ACOXL: variants seen among roughly 807,000 people sequenced by gnomAD.
ACOXL encodes acyl-coenzyme A oxidase-like protein.
Under a neutral mutation model 71.9 loss-of-function variants are expected in ACOXL, and 70 were observed. The observed-to-expected ratio is 0.97, with a 90% CI of 0.80 to 1.19. ACOXL has a LOEUF of 1.19. Ranked by LOEUF, ACOXL falls within the 50% of genes most tolerant of loss-of-function variation. The pLI is 0.00. For synonymous variants in ACOXL, 253 were observed against 281.6 expected (o/e 0.90, Z 1.02); for missense variants, 703 against 736.3 (o/e 0.95, Z 0.52).
chr2:111,003,515 C>T (rs774089407), intron 14 of ACOXL, among the ~76,000 whole-genome samples: 6 of 128,914 alleles, frequency 4.7e-5, no homozygotes, highest in South Asian at 2.8e-4. Context: ...TGCACCACTG[C>T]ACTCCAGCCT....
intron 14 of ACOXL, among the ~76,000 whole-genome samples, chr2:111,027,142 C>T (rs1366871578): frequency 2.6e-5 from 4 of 151,944 alleles, no homozygotes; most frequent in South Asian, 4.1e-4. Flanking sequence ...AGTGATCCAC[C>T]CACCTCAGCC....
At chr2:110,917,569 GAA>G (rs368992903) in intron 11 of ACOXL, among the ~76,000 whole-genome samples, 3 of 152,218 alleles carry the variant, frequency 2.0e-5, no homozygotes, top group African/African-American at 7.2e-5. Context: ...TCAGGCAAGA[GAA>G]AGAAATAAAG....
At chr2:111,073,536 A>G (rs993058619) in intron 16 of ACOXL, among the ~76,000 whole-genome samples, 9 of 152,096 alleles carry the variant, frequency 5.9e-5, no homozygotes, top group African/African-American at 2.2e-4. Flanking sequence ...TCTTCATTCA[A>G]TTCCTTTTGC....
At chr2:110,867,248 A>G (rs964340339) in intron 10 of ACOXL, among the ~76,000 whole-genome samples, 3 of 152,188 alleles carry the variant, frequency 2.0e-5, no homozygotes, top group Admixed American at 1.3e-4. Flanking sequence ...TTCTGTCTCT[A>G]GCAGATGTCA....
In ACOXL at chr2:111,011,936, T is replaced by G. The variant is rs115420371; in HGVS notation, c.1281+15932T>G. ...GTATTACCAGGGATAAAGAAAGTCA[T>G]TTTTTGATTATTAAAGGATAATTTC... is the stretch of plus-strand genomic sequence containing the variant. On this transcript the variant is annotated intron_variant, in intron 14 of 17. Coordinates refer to ENST00000439055, the MANE Select transcript of ACOXL (RefSeq NM_001142807.4). Among the ~76,000 whole-genome samples the G allele has an allele frequency of 7.3e-3, 1,096 of 150,458 alleles. 8 individuals carry two copies. The highest frequency in any genetic ancestry group is 0.026 in the African/African-American group (1,059 of 40,898).
intron 10 of ACOXL, among the ~76,000 whole-genome samples, chr2:110,908,459 G>A (rs983170276): frequency 5.9e-5 from 9 of 152,184 alleles, no homozygotes; most frequent in African/African-American, 1.9e-4. Flanking sequence ...ATTTAGCAAA[G>A]CTGAATAATT....
intron 1 of ACOXL, among the ~76,000 whole-genome samples, chr2:110,757,783 C>T (rs72830999): frequency 0.018 from 2,769 of 151,570 alleles, 39 homozygotes; most frequent in Non-Finnish European, 0.031. Flanking sequence ...TCCTCATAGA[C>T]TCTGGATATT....
At chr2:110,737,183 A>G (rs544289700) in intron 1 of ACOXL, among the ~76,000 whole-genome samples, 1 of 152,308 alleles carries the variant, frequency 6.6e-6, no homozygotes, top group East Asian at 1.9e-4. Flanking sequence ...TTATACTGTG[A>G]GGTTTGTAAT....
intron 12 of ACOXL, among the ~76,000 whole-genome samples, chr2:110,972,633 GCACA>G (rs963311036): frequency 3.9e-5 from 5 of 128,028 alleles, no homozygotes; most frequent in East Asian, 2.6e-4. Flanking sequence ...ACACGCACAT[GCACA>G]CACACACACG....
intron 16 of ACOXL, among the ~76,000 whole-genome samples, chr2:111,092,252 G>T (rs1004305802): frequency 6.6e-6 from 1 of 152,116 alleles, no homozygotes; most frequent in Non-Finnish European, 1.5e-5. Context: ...ATTGAATATC[G>T]AGAGTTACGT....
At chr2:110,873,290 C>T (rs1228848221) in intron 10 of ACOXL, among the ~76,000 whole-genome samples, 1 of 151,966 alleles carries the variant, frequency 6.6e-6, no homozygotes, top group Non-Finnish European at 1.5e-5. Context: ...CGTTTGATGC[C>T]TGGGAGTCCA....
chr2:110,799,502 T>C (rs1282865887), intron 7 of ACOXL, among the ~76,000 whole-genome samples: 1 of 152,178 alleles, frequency 6.6e-6, no homozygotes, highest in South Asian at 2.1e-4. Flanking sequence ...ACTGACTCAG[T>C]GCCCTAGTTT....
At chr2:110,877,350 GC>G (rs1166439300) in intron 10 of ACOXL, among the ~76,000 whole-genome samples, 3 of 152,200 alleles carry the variant, frequency 2.0e-5, no homozygotes, top group Non-Finnish European at 4.4e-5. Flanking sequence ...CTCTTCAACA[GC>G]CCCGAATCAC....
At chr2:110,973,264 A>C (rs2062294692) in intron 12 of ACOXL, among the ~76,000 whole-genome samples, 1 of 152,222 alleles carries the variant, frequency 6.6e-6, no homozygotes, top group Admixed American at 6.5e-5. Flanking sequence ...TACTTTCTGG[A>C]GAATGCAAAG....
At position 110,770,155 on chromosome 2, in the gene ACOXL, C is replaced by T. The variant is rs193053925; in HGVS notation, c.75+1691C>T. 1.1e-3 allele frequency among the ~76,000 whole-genome samples: 160 copies of T among 152,332 alleles called. 2 individuals carry two copies. The highest frequency in any genetic ancestry group is 3.7e-3 in the African/African-American group (153 of 41,580). On this transcript the variant is annotated intron_variant, in intron 2 of 17. Transcript: ENST00000439055. ...GCTCAGCGGCATGCTGAGGAGCCGA[C>T]CCTATCCTGCAGCAGCCCAGCCCTT...
intron 10 of ACOXL, chr2:110,887,359 T>A (rs1251613220): frequency 6.5e-6 from 1 of 153,032 alleles, no homozygotes; most frequent in African/African-American, 2.4e-5. Context: ...CCCAGCCTAG[T>A]GGCCACCTCT....
At chr2:111,002,522 A>G (rs531865247) in intron 14 of ACOXL, among the ~76,000 whole-genome samples, 2 of 152,330 alleles carry the variant, frequency 1.3e-5, no homozygotes, top group African/African-American at 4.8e-5. Context: ...AGTTATATGG[A>G]CAATGTCATA....
At position 110,908,897 on chromosome 2, in the gene ACOXL, C is replaced by T. The variant is rs529004792; in HGVS notation, c.897C>T (p.Phe299=). ...TGGCCACAGCCTTGGCCCTGACCTT[C>T]GTCAGCAGGTGAGATGGCTCTCAGG... ...PHLATALALT[F]VSRYAGALLD... Residue 299 remains phenylalanine, a synonymous_variant, in exon 11 of 18, where the codon TTC becomes TTT. Transcript: ENST00000439055. 5.6e-6 allele frequency: 9 copies of T among 1,613,138 alleles called. No individual in the cohort carries two copies. The highest frequency in any genetic ancestry group is 1.3e-5 in the African/African-American group (1 of 75,014).
intron 10 of ACOXL, among the ~76,000 whole-genome samples, chr2:110,852,225 C>G (rs530758730): frequency 1.3e-4 from 20 of 152,302 alleles, no homozygotes; most frequent in African/African-American, 4.8e-4. Flanking sequence ...CCTGGTGGAT[C>G]GCTTGACAGT....
Sources: gnomAD v4.1 joint callset for allele counts (sites outside exome capture counted in the v4.1 genomes callset) on GRCh38, gnomAD v4.1.1 for gene constraint, MANE v1.5 for transcripts, NCBI Gene and HGNC (gene_info 2026-07-23, HGNC 2026-07-21) for gene names.